The following LTBP4 variants were observed in gnomAD, a reference collection of about 807,000 sequenced individuals.
The protein encoded by LTBP4 is latent transforming growth factor beta binding protein 4.
Under a neutral mutation model 180.2 loss-of-function variants are expected in LTBP4, and 93 were observed. That is an observed-to-expected ratio of 0.52 (90% CI 0.44 to 0.61). The LOEUF is 0.61. Among genes scored for constraint, LTBP4 ranks in the 20% least tolerant of loss-of-function variants. The pLI, the probability that LTBP4 is intolerant of heterozygous loss-of-function variation, is 0.00. For synonymous variants in LTBP4, 947 were observed against 934.5 expected, an observed-to-expected ratio of 1.01 and a Z score of -0.24; for missense variants, 2,116 against 2,256.5, an observed-to-expected ratio of 0.94 and a Z score of 1.26.
rs1196473966 is a variant in LTBP4, at chr19:40,622,814, A to T, written c.3485-136A>T. 1 of 1,374,684 alleles carries T rather than the reference A, an allele frequency of 7.3e-7. No homozygotes were observed. Among genetic ancestry groups the T allele is most frequent in the Non-Finnish European group, 9.9e-7 (1 of 1,013,930 alleles). 85.2% of individuals were successfully genotyped at this position (1,374,684 alleles called of 1,614,324 possible). A position where few individuals can be genotyped will look rare whatever the true frequency, so the allele number is the denominator to read the frequency against. ...AGGGCGAGCTGCCAGGCAGGTGGGC[A>T]TGGGCAGACATAAGGCTGAGAGGTG... On this transcript the variant is annotated intron_variant, in intron 23 of 29. Coordinates refer to ENST00000396819, the MANE Select transcript of LTBP4 (RefSeq NM_001042545.2). This position sits in a 1 kb window ranked among gnomAD's most constrained non-coding sequence, Gnocchi z 5.1.
chr19:40,623,549 T>G, intron 24 of LTBP4, 55 bp from the exon 25 acceptor site: 1 of 1,577,814 alleles, frequency 6.3e-7, no homozygotes, highest in Non-Finnish European at 8.6e-7. Flanking sequence ...CGTCATGCCC[T>G]CACACACTCC....
chr19:40,619,741 G>A (rs1441995410), intron 22 of LTBP4, among the ~76,000 whole-genome samples: 1 of 152,168 alleles, frequency 6.6e-6, no homozygotes, highest in Non-Finnish European at 1.5e-5. Context: ...CCATCTTCTG[G>A]GCACTGAGAA....
intron 4 of LTBP4, 111 bp from the exon 5 acceptor site, chr19:40,606,122 C>T (rs1208453657): frequency 1.9e-6 from 2 of 1,058,248 alleles, no homozygotes; most frequent in Admixed American, 2.0e-5. Context: ...TGTCCCTGCA[C>T]TTAAACTACA....
intron 4 of LTBP4, 133 bp from the exon 5 acceptor site, chr19:40,606,100 C>A: frequency 1.1e-6 from 1 of 900,044 alleles, no homozygotes. Flanking sequence ...ATTTCAACTG[C>A]CAACCTAAGG....
rs368352118 is a variant in LTBP4 at position 40,606,489 on chromosome 19, C to T, written c.954C>T (p.Asp318=). ...GCGGGTACACGTGTGTGTGCCCCGA[C>T]GGCTTTCTGCTCGACTCGTCCCGCA... ...TRGGYTCVCP[D]GFLLDSSRSS... is the part of the protein sequence containing the mutation. Residue 318 remains aspartate, a synonymous_variant, in exon 6 of 30, where the codon GAC becomes GAT. Coordinates refer to ENST00000396819, the MANE Select transcript of LTBP4 (RefSeq NM_001042545.2). 2.1e-4 allele frequency: 335 copies of T among 1,576,290 alleles called. 1 individual carries two copies. The highest frequency in any genetic ancestry group is 2.8e-4 in the Non-Finnish European group (321 of 1,162,184).
intron 21 of LTBP4, 74 bp from the exon 22 acceptor site, chr19:40,619,273 A>T: frequency 6.7e-7 from 1 of 1,481,734 alleles, no homozygotes; most frequent in East Asian, 2.3e-5. Flanking sequence ...TTGAAAGCTG[A>T]GACTTTCGGA....
chr19:40,599,628 C>T (rs1297081263), upstream of LTBP4: 1 of 1,412,114 alleles, frequency 7.1e-7, no homozygotes, highest in East Asian at 2.3e-5. Context: ...TTCCGCTCCT[C>T]CTCCCTTCCC....
rs2081622533 is a variant in LTBP4 at position 40,625,293 on chromosome 19, TATA to T, written c.3833-563_3833-561del. On this transcript the variant is annotated intron_variant, in intron 26 of 29. Coordinates refer to ENST00000396819, the MANE Select transcript of LTBP4 (RefSeq NM_001042545.2). ...ATATATATATATATATATATATATA[TATA>T]TATATATATATATATATATATTTTT... Among the ~76,000 whole-genome samples, 4 of 12,818 alleles carry T rather than the reference TATA, an allele frequency of 3.1e-4. 1 individual carries two copies. Among genetic ancestry groups the T allele is most frequent in the African/African-American group, 9.8e-4 (1 of 1,018 alleles). The allele number at this position is 12,818 out of a possible 152,430, so 8.4% of individuals were successfully genotyped here. A position where few individuals can be genotyped will look rare whatever the true frequency, so the allele number is the denominator to read the frequency against.
At chr19:40,604,961 C>T in intron 1 of LTBP4, 74 bp from the exon 2 acceptor site, 1 of 1,375,814 alleles carries the variant, frequency 7.3e-7, no homozygotes, top group Non-Finnish European at 1.0e-6. Flanking sequence ...TGAATGATAC[C>T]TTGAGGGAGT....
chr19:40,627,758 G>A lies in LTBP4; in HGVS notation c.4420G>A (p.Asp1474Asn). Residue 1474 changes from aspartate (D) to asparagine (N), a missense_variant, in exon 29 of 30, where the codon GAC becomes AAC. Coordinates refer to ENST00000396819, the MANE Select transcript of LTBP4 (RefSeq NM_001042545.2). ...ELEAEECGILDGCTNGRCVRV... is the reference protein window; with the variant it reads ...ELEAEECGILNGCTNGRCVRV... ...GGAGGCGGAGGAGTGCGGGATCCTGGACGGCTGCACCAACGGCCGCTGCGT... is the reference window on the plus strand; with the variant it reads ...GGAGGCGGAGGAGTGCGGGATCCTGAACGGCTGCACCAACGGCCGCTGCGT... The A allele has an allele frequency of 6.3e-7, 1 of 1,593,576 alleles. No individual in the cohort carries two copies. Among genetic ancestry groups the A allele is most frequent in the South Asian group, 1.1e-5 (1 of 87,684 alleles).
At position 40,605,135 on chromosome 19, in the gene LTBP4, C is replaced by G. The variant is rs1366303967; in HGVS notation, c.351C>G (p.Ser117=). 7 of 1,613,438 alleles carry G rather than the reference C, an allele frequency of 4.3e-6. No homozygotes were observed. The highest frequency in any genetic ancestry group is 5.9e-6 in the Non-Finnish European group (7 of 1,179,776). Residue 117 remains serine, a synonymous_variant, in exon 2 of 30, where the codon TCC becomes TCG. Transcript: ENST00000396819. This position sits in a 1 kb window ranked among gnomAD's most constrained non-coding sequence, Gnocchi z 5.5. The part of the protein sequence containing the change: ...DFAGKFCQLH[S]SGARPPAPAV... The stretch of plus-strand genomic sequence containing the variant: ...CTGGCAAGTTCTGCCAGTTGCACTC[C>G]TCGGGCGCCCGGCCCCCGGCCCCGG...
chr19:40,627,968 A>G (rs1252619188), intron 29 of LTBP4, 111 bp downstream of exon 29: 27 of 1,390,090 alleles, frequency 1.9e-5, no homozygotes, highest in Non-Finnish European at 2.3e-5. Flanking sequence ...ACCTCACTAC[A>G]GGGGACGGGC....
intron 26 of LTBP4, among the ~76,000 whole-genome samples, chr19:40,625,311 TATATA>T (rs1440308862): frequency 7.5e-4 from 23 of 30,872 alleles, no homozygotes; most frequent in Non-Finnish European, 1.0e-3. Flanking sequence ...TATATATATA[TATATA>T]TTTTTTTTTT....
chr19:40,601,327 G>GCGGT (rs2081422127), upstream of LTBP4: 2 of 980,476 alleles, frequency 2.0e-6, no homozygotes, highest in Admixed American at 1.3e-4. Flanking sequence ...GGGCGGGCGG[G>GCGGT]TGCGGCCGGG....
In LTBP4 at chr19:40,614,309, C is replaced by T. The variant is rs2081531362; in HGVS notation, c.2681-6C>T. On this transcript the variant is annotated splice_polypyrimidine_tract_variant and splice_region_variant and intron_variant, in intron 18 of 29. Transcript: ENST00000396819. ...CCACATCCGACCACCCGACCTCTCTCCTCAGACGTGGACGAATGTCGCGAG... is the reference window on the plus strand; with the variant it reads ...CCACATCCGACCACCCGACCTCTCTTCTCAGACGTGGACGAATGTCGCGAG... 2 of 1,598,460 alleles carry T rather than the reference C, an allele frequency of 1.3e-6. No individual in the cohort carries two copies. The highest frequency in any genetic ancestry group is 1.7e-6 in the Non-Finnish European group (2 of 1,178,824).
At chr19:40,625,808 A>G in intron 26 of LTBP4, 49 bp from the exon 27 acceptor site, 1 of 1,469,194 alleles carries the variant, frequency 6.8e-7, no homozygotes, top group Non-Finnish European at 9.1e-7. Context: ...AGCCCCTGGG[A>G]GGACCTGAGT....
At chr19:40,625,312 A>ATTTT (rs2081624915) in intron 26 of LTBP4, among the ~76,000 whole-genome samples, 1 of 18,032 alleles carries the variant, frequency 5.5e-5, no homozygotes. Flanking sequence ...ATATATATAT[A>ATTTT]TATATTTTTT....
In LTBP4 at chr19:40,615,193, C is replaced by CGGGGTGGGG. The variant is rs1555737676; in HGVS notation, c.2812+751_2812+752insTGGGGGGGG. 4 of 23,592 alleles carry CGGGGTGGGG rather than the reference C, an allele frequency of 1.7e-4. 1 individual carries two copies. The highest frequency in any genetic ancestry group is 3.9e-4 in the Admixed American group (1 of 2,582). 1.5% of individuals were successfully genotyped at this position (23,592 alleles called of 1,614,324 possible). On this transcript the variant is annotated intron_variant, in intron 19 of 29. Coordinates refer to ENST00000396819, the MANE Select transcript of LTBP4 (RefSeq NM_001042545.2). ...TACAGTATATATTTTTTTGTGTCGG[C>CGGGGTGGGG]GGGGGGGGGGGGGCGGTGATGGTGT...
At chr19:40,595,813 C>T (rs576157476) in intron 1 of LTBP4, among the ~76,000 whole-genome samples, 12 of 151,826 alleles carry the variant, frequency 7.9e-5, no homozygotes, top group Non-Finnish European at 1.6e-4. Context: ...TCACTGCAGC[C>T]TCCACTTACC....
Sources: allele counts gnomAD v4.1 joint callset (sites outside exome capture counted in the v4.1 genomes callset), GRCh38; gene constraint gnomAD v4.1.1; non-coding constraint Gnocchi (gnomAD v3.1); transcripts MANE v1.5; gene names NCBI Gene and HGNC (gene_info 2026-07-23, HGNC 2026-07-21).